The following ESRRG variants were observed in gnomAD, a reference collection of about 807,000 sequenced individuals.
ESRRG encodes estrogen related receptor gamma.
Under a neutral mutation model 44.0 loss-of-function variants are expected in ESRRG, and 13 were observed. The ratio of observed to expected loss-of-function variants is 0.30; its 90% CI spans 0.19 to 0.47. ESRRG has a LOEUF of 0.47. ESRRG is among the 20% of genes least tolerant of loss of function. The probability of loss-of-function intolerance (pLI) is 1.00; values close to 1 mark genes in which losing one functional copy is unlikely to be tolerated. For synonymous variants in ESRRG, 215 were observed against 214.6 expected, an observed-to-expected ratio of 1.00 and a Z score of -0.02; for missense variants, 395 against 580.6, an observed-to-expected ratio of 0.68 and a Z score of 3.29.
At chr1:216,978,543 T>C (rs938481288) in intron 1 of ESRRG, among the ~76,000 whole-genome samples, 3 of 152,160 alleles carry the variant, frequency 2.0e-5, no homozygotes, top group Non-Finnish European at 1.5e-5. Flanking sequence ...CCGGACACTG[T>C]GGCCTCAGCA....
At chr1:216,864,345 A>AG in intron 2 of ESRRG, 1 of 152,058 alleles carries the variant, frequency 6.6e-6, no homozygotes, top group Middle Eastern at 3.4e-3. Context: ...AAAAAAAAAA[A>AG]AAAAACAGCC....
At chr1:217,019,211 C>G (rs760682274) in intron 1 of ESRRG, among the ~76,000 whole-genome samples, 1 of 152,152 alleles carries the variant, frequency 6.6e-6, no homozygotes, top group Non-Finnish European at 1.5e-5. Flanking sequence ...TTAGTCTATT[C>G]CTAAAACAAG....
chr1:216,707,602 T>C (rs929506800), intron 1 of ESRRG: 3 of 1,024,600 alleles, frequency 2.9e-6, no homozygotes, highest in Admixed American at 3.0e-5. Flanking sequence ...CCTTTTTACA[T>C]TGGAGACTTA....
chr1:216,763,916 T>C (rs1336743112), intron 2 of ESRRG, among the ~76,000 whole-genome samples: 1 of 152,084 alleles, frequency 6.6e-6, no homozygotes, highest in Non-Finnish European at 1.5e-5. Context: ...TAGCACCGAG[T>C]AGGTATTCAA....
chr1:216,736,850 A>T (rs1017225845), intron 2 of ESRRG, among the ~76,000 whole-genome samples: 1 of 152,130 alleles, frequency 6.6e-6, no homozygotes, highest in Non-Finnish European at 1.5e-5. Flanking sequence ...TCATTCTGGG[A>T]CATGCCAAGA....
intron 3 of ESRRG, among the ~76,000 whole-genome samples, chr1:216,570,197 A>G (rs2149644723): frequency 6.6e-6 from 1 of 152,356 alleles, no homozygotes. Context: ...AATATAGTGT[A>G]AATAACATCA....
chr1:216,892,448 C>T (rs960519295), intron 2 of ESRRG, among the ~76,000 whole-genome samples: 6 of 152,078 alleles, frequency 3.9e-5, no homozygotes, highest in Non-Finnish European at 7.4e-5. Context: ...TACTACCTCT[C>T]CTGGGGGAAA....
chr1:217,036,675 T>C (rs560779195), intron 1 of ESRRG, among the ~76,000 whole-genome samples: 17 of 152,178 alleles, frequency 1.1e-4, no homozygotes, highest in East Asian at 3.9e-4. Flanking sequence ...GGGTGGAGGT[T>C]GGGAGGAGGA....
intron 1 of ESRRG, among the ~76,000 whole-genome samples, chr1:216,714,893 A>G (rs537290595): frequency 6.6e-6 from 1 of 152,306 alleles, no homozygotes; most frequent in African/African-American, 2.4e-5. Flanking sequence ...AAAGATAACA[A>G]TGACATTTCT....
At chr1:217,039,546 C>G (rs774267883) in intron 1 of ESRRG, among the ~76,000 whole-genome samples, 1 of 152,110 alleles carries the variant, frequency 6.6e-6, no homozygotes, top group Non-Finnish European at 1.5e-5. Flanking sequence ...TCGTGAGACC[C>G]ACTCACTATC....
chr1:216,903,426 CAAGTGT>C (rs1437737256), intron 2 of ESRRG, among the ~76,000 whole-genome samples: 1 of 94,962 alleles, frequency 1.1e-5, no homozygotes, highest in Non-Finnish European at 2.0e-5. Context: ...TGTGTGTGTT[CAAGTGT>C]GTGTGTGTGT....
chr1:216,743,686 CTCA>C (rs1286400712), intron 2 of ESRRG, among the ~76,000 whole-genome samples: 1 of 152,086 alleles, frequency 6.6e-6, no homozygotes, highest in Non-Finnish European at 1.5e-5. Context: ...ATGGATAACA[CTCA>C]TCATCATCAC....
intron 2 of ESRRG, among the ~76,000 whole-genome samples, chr1:216,820,969 A>G (rs539995187): frequency 2.6e-5 from 4 of 152,116 alleles, no homozygotes; most frequent in Non-Finnish European, 5.9e-5. Flanking sequence ...ATCATATTTT[A>G]TTGGACTTTT....
chr1:216,824,173 A>G (rs1379357034), intron 2 of ESRRG, among the ~76,000 whole-genome samples: 2 of 152,118 alleles, frequency 1.3e-5, no homozygotes, highest in Non-Finnish European at 2.9e-5. Context: ...TAGGCTGGGC[A>G]CGGTGGCTCA....
intron 1 of ESRRG, among the ~76,000 whole-genome samples, chr1:216,971,166 A>G (rs891056478): frequency 5.3e-5 from 8 of 152,224 alleles, no homozygotes; most frequent in African/African-American, 1.9e-4. Flanking sequence ...TGTTTGAGAA[A>G]AAAAAATATG....
rs570748696 is a variant in ESRRG at position 216,651,493 on chromosome 1, G to A, written c.473-404C>T. ...TTATTCTGATTCCTAATACTTTGGTGCATCAGGCTTATTGTCTTTCTGACA... is the reference window on the plus strand; with the variant it reads ...TTATTCTGATTCCTAATACTTTGGTACATCAGGCTTATTGTCTTTCTGACA... On this transcript the variant is annotated intron_variant, in intron 2 of 6. Coordinates refer to ENST00000408911, the MANE Select transcript of ESRRG (RefSeq NM_001438.4). 3.4e-4 allele frequency among the ~76,000 whole-genome samples: 52 copies of A among 152,304 alleles called. 1 individual carries two copies. The highest frequency in any genetic ancestry group is 3.3e-4 in the Admixed American group (5 of 15,286).
intron 2 of ESRRG, among the ~76,000 whole-genome samples, chr1:216,662,321 G>T (rs949476216): frequency 3.3e-5 from 5 of 152,088 alleles, no homozygotes; most frequent in Admixed American, 2.0e-4. Flanking sequence ...TTCGTGAGAA[G>T]CAAAAGCAAA....
chr1:217,031,991 C>T (rs2082139626), intron 1 of ESRRG, among the ~76,000 whole-genome samples: 1 of 152,154 alleles, frequency 6.6e-6, no homozygotes. Context: ...CCGACTGCCC[C>T]AGTTTGCCAG....
At chr1:216,562,634 G>C (rs1254934050) in intron 5 of ESRRG, among the ~76,000 whole-genome samples, 3 of 151,952 alleles carry the variant, frequency 2.0e-5, no homozygotes, top group East Asian at 1.9e-4. Context: ...AATGAACAAG[G>C]GCAGCCCCTC....
Sources: gnomAD v4.1 joint callset for allele counts (sites outside exome capture counted in the v4.1 genomes callset) on GRCh38, gnomAD v4.1.1 for gene constraint, MANE v1.5 for transcripts, NCBI Gene and HGNC (gene_info 2026-07-23, HGNC 2026-07-21) for gene names.